The following FAT2 variants were observed in gnomAD, a reference collection of about 807,000 sequenced individuals.
FAT2 encodes protocadherin Fat 2.
Under a neutral mutation model 295.3 loss-of-function variants are expected in FAT2, and 150 were observed. The ratio of observed to expected loss-of-function variants is 0.51; its 90% CI spans 0.44 to 0.58. The LOEUF is 0.58. FAT2 is among the 20% of genes least tolerant of loss of function. The pLI is 0.00. For synonymous variants in FAT2, 2,026 were observed against 2,150.3 expected (o/e 0.94, Z 1.60); for missense variants, 4,868 against 5,442.7 (o/e 0.89, Z 3.32).
In FAT2 at chr5:151,549,384, G is replaced by T. The variant is rs149882446; in HGVS notation, c.4700C>A (p.Thr1567Asn). The change falls in exon 9 of 24, where the codon ACC becomes AAC. Residue 1567 changes from threonine to asparagine, a missense_variant. By Grantham distance (65) the Thr-to-Asn change is moderately conservative. This residue lies in a region of FAT2 where 3,297 missense variants were observed against 3,669.4 expected (regional missense o/e 0.90). Coordinates refer to ENST00000261800, the MANE Select transcript of FAT2 (RefSeq NM_001447.3). ...QLHYEASVPD[T>N]IAPGTELLQV... ...CAGCAGCTCTGTGCCGGGGGCTATG[G>T]TGTCAGGAACACTTGCCTCATAATG... The T allele has an allele frequency of 6.2e-7, 1 of 1,614,126 alleles. No individual in the cohort carries two copies. The highest frequency in any genetic ancestry group is 1.3e-5 in the African/African-American group (1 of 75,032).
intron 1 of FAT2, among the ~76,000 whole-genome samples, chr5:151,573,716 T>C (rs894787946): frequency 1.4e-4 from 21 of 152,178 alleles, no homozygotes; most frequent in African/African-American, 4.8e-4. Context: ...TCTATGCTTG[T>C]GCAGGCTAAT....
At position 151,510,412 on chromosome 5, in the gene FAT2, A is replaced by G. The variant is rs114163514; in HGVS notation, c.11906-238T>C. The G allele has an allele frequency of 5.2e-3, 2,379 of 461,140 alleles. 53 individuals carry two copies. The highest frequency in any genetic ancestry group is 0.043 in the African/African-American group (2,189 of 51,290). 28.6% of individuals were successfully genotyped at this position (461,140 alleles called of 1,614,324 possible). On this transcript the variant is annotated intron_variant, in intron 21 of 23. Coordinates refer to ENST00000261800, the MANE Select transcript of FAT2 (RefSeq NM_001447.3). ...GACAACAGTCACCTAAAGAACAGTA[A>G]TAAACAGGATAACAACCATAGACAC...
chr5:151,507,286 C>T lies in FAT2; in HGVS notation c.12385G>A (p.Val4129Ile), dbSNP rs1162708250. 1.4e-5 allele frequency: 23 copies of T among 1,614,038 alleles called. No homozygotes were observed. The East Asian group carries it at 2.2e-4, about 16-fold the overall frequency. ...TGCTTAGAATTGGGTCCAAATGTGACGAGTTCATTTGGAACAGAGGCCTTG... is the reference window on the plus strand; with the variant it reads ...TGCTTAGAATTGGGTCCAAATGTGATGAGTTCATTTGGAACAGAGGCCTTG... ...PSKASVPNEL[V>I]TFGPNSKQRP... is the part of the protein sequence containing the mutation. The change falls in exon 23 of 24, where the codon GTC (valine) becomes ATC (isoleucine). Residue 4129 changes from valine to isoleucine, a missense_variant. This residue lies in a region of FAT2 where 492 missense variants were observed against 482.6 expected (regional missense o/e 1.02). Coordinates refer to ENST00000261800, the MANE Select transcript of FAT2 (RefSeq NM_001447.3).
intron 19 of FAT2, 119 bp from the exon 20 acceptor site, chr5:151,517,884 A>G (rs370782049): frequency 8.0e-7 from 1 of 1,247,794 alleles, no homozygotes; most frequent in Non-Finnish European, 1.1e-6. Context: ...TATTTTATAC[A>G]TGAAGAAACT....
At chr5:151,510,289 T>C (rs1761220807) in intron 21 of FAT2, 115 bp from the exon 22 acceptor site, 1 of 1,270,836 alleles carries the variant, frequency 7.9e-7, no homozygotes, top group Non-Finnish European at 1.1e-6. Context: ...ATTTATTTGG[T>C]TGCTCCCCTC....
At chr5:151,508,746 C>T (rs1293491307) in intron 22 of FAT2, among the ~76,000 whole-genome samples, 4 of 151,894 alleles carry the variant, frequency 2.6e-5, no homozygotes, top group Non-Finnish European at 4.4e-5. Flanking sequence ...ATCAGCATAC[C>T]CAGAGTAATC....
chr5:151,549,653 A>C, intron 8 of FAT2, 148 bp from the exon 9 acceptor site: 1 of 643,378 alleles, frequency 1.6e-6, no homozygotes, highest in Non-Finnish European at 2.7e-6. Flanking sequence ...GTTCTAATCT[A>C]TATGCTCTTT....
chr5:151,560,299 C>G (rs1236423406), intron 3 of FAT2, among the ~76,000 whole-genome samples: 2 of 152,212 alleles, frequency 1.3e-5, no homozygotes, highest in African/African-American at 4.8e-5. Flanking sequence ...CCCAGGTGGT[C>G]TCTATTATAA....
In FAT2 at chr5:151,521,864, G is replaced by C. The variant is rs776966231; in HGVS notation, c.10729C>G (p.His3577Asp). The C allele has an allele frequency of 6.2e-7, 1 of 1,614,198 alleles. No homozygotes were observed. Reference sequence around the variant, plus strand: ...CCATCAGGCGCACCCACTGAGAAGTGCCTGCCCAGGGTCTCCTCTTCTGCC... The same window carrying C: ...CCATCAGGCGCACCCACTGAGAAGTCCCTGCCCAGGGTCTCCTCTTCTGCC... Reference protein sequence around the residue: ...SLAEEETLGRHFSVGAPDGKI... With the variant: ...SLAEEETLGRDFSVGAPDGKI... The change falls in exon 19 of 24, where the codon CAC becomes GAC. Residue 3577 changes from histidine to aspartate, a missense_variant. By Grantham distance (81) the His-to-Asp change is moderately conservative. Around this residue, in one of 5 missense-constraint regions of FAT2, gnomAD observed 1,046 missense variants for 1,210.1 expected, o/e 0.86. Transcript: ENST00000261800.
intron 3 of FAT2, among the ~76,000 whole-genome samples, chr5:151,556,839 G>C (rs945735657): frequency 6.6e-5 from 10 of 152,138 alleles, no homozygotes; most frequent in African/African-American, 2.4e-4. Context: ...ACACAGTTTA[G>C]ACTTACAGCA....
At chr5:151,590,537 G>A (rs1007062008) in intron 1 of FAT2, among the ~76,000 whole-genome samples, 1 of 152,140 alleles carries the variant, frequency 6.6e-6, no homozygotes, top group Non-Finnish European at 1.5e-5. Context: ...TGCTGTCTTG[G>A]TGCCACTCAG....
Position 151,568,429 on chromosome 5 carries a change from C to A in FAT2, c.503G>T (p.Cys168Phe), listed in dbSNP as rs373306836. ...ATCAGCATCTGTGGCAGTCACCTTG[C>A]AGATGGGGCTCTTCAGGGGCATGTC... ...SEDMPLKSPI[C>F]KVTATDADLG... The change falls in exon 2 of 24, where the codon TGC (cysteine) becomes TTC (phenylalanine). Residue 168 changes from cysteine (C) to phenylalanine (F), a missense_variant. Cys to Phe is a radical substitution (Grantham distance 205, BLOSUM62 -2). This residue lies in a region of FAT2 where 3,297 missense variants were observed against 3,669.4 expected (regional missense o/e 0.90). Coordinates refer to ENST00000261800, the MANE Select transcript of FAT2 (RefSeq NM_001447.3). The A allele has an allele frequency of 4.3e-6, 7 of 1,614,198 alleles. No individual in the cohort carries two copies. The highest frequency in any genetic ancestry group is 5.9e-6 in the Non-Finnish European group (7 of 1,180,030).
chr5:151,560,416 A>G (rs1414680122), intron 3 of FAT2, among the ~76,000 whole-genome samples: 1 of 152,220 alleles, frequency 6.6e-6, no homozygotes, highest in South Asian at 2.1e-4. Flanking sequence ...GAGAAAGTCC[A>G]TCTACTTGCA....
At chr5:151,542,157 G>A (rs1756214656) in intron 10 of FAT2, 128 bp downstream of exon 10, 8 of 820,238 alleles carry the variant, frequency 9.8e-6, no homozygotes, top group Middle Eastern at 3.8e-4. Flanking sequence ...GTCCTAGGGG[G>A]TTAAGTGTGC....
intron 21 of FAT2, chr5:151,511,884 C>T (rs908795776): frequency 2.3e-5 from 11 of 471,838 alleles, no homozygotes; most frequent in African/African-American, 5.8e-5. Flanking sequence ...AGTGATGACA[C>T]TAAGGTATGT....
chr5:151,566,919 A>G lies in FAT2; in HGVS notation c.2013T>C (p.Asp671=). The change falls in exon 2 of 24, where the codon GAT becomes GAC. Residue 671 remains aspartate (D), a synonymous_variant. Transcript: ENST00000261800. ...TGAATTGTGTCAATACCCCTGTTTTATCACATGTTACAGGAACTTCAAAAT... is the reference window on the plus strand; with the variant it reads ...TGAATTGTGTCAATACCCCTGTTTTGTCACATGTTACAGGAACTTCAAAAT... ...DPHFEVPVTC[D]KTGVLTQFTK... The G allele has an allele frequency of 6.2e-7, 1 of 1,614,184 alleles. No homozygotes were observed. The highest frequency in any genetic ancestry group is 8.5e-7 in the Non-Finnish European group (1 of 1,180,032).
At chr5:151,558,946 G>A (rs3097778) in intron 3 of FAT2, among the ~76,000 whole-genome samples, 11,201 of 152,296 alleles carry the variant, frequency 0.074, 754 homozygotes, top group Admixed American at 0.2. Context: ...ACGGTCTCTT[G>A]TAAATGAAAG....
At chr5:151,507,104 C>T in intron 23 of FAT2, 50 bp downstream of exon 23, 1 of 1,485,428 alleles carries the variant, frequency 6.7e-7, no homozygotes, top group Non-Finnish European at 9.1e-7. Flanking sequence ...TTTAGAACCA[C>T]CACCCACTTC....
chr5:151,512,477 G>A lies in FAT2; in HGVS notation c.11593C>T (p.Arg3865Cys), dbSNP rs758645602. The change falls in exon 21 of 24, where the codon CGC becomes TGC. Residue 3865 changes from arginine (R) to cysteine (C), a missense_variant. By Grantham distance (180) the Arg-to-Cys change is radical (BLOSUM62 -3). Around this residue, in one of 5 missense-constraint regions of FAT2, gnomAD observed 1,046 missense variants for 1,210.1 expected, o/e 0.86. Transcript: ENST00000261800. The surrounding 1 kb of genome is among the most constrained non-coding windows in gnomAD (Gnocchi z 4.1). ...TTGCCCATGCTGTCAACCATCAGGC[G>A]AATGGAAGCGTCCATCTCCTCCACC... Reference protein sequence around the residue: ...ILVEEMDASIRLMVDSMGNTS... With the variant: ...ILVEEMDASICLMVDSMGNTS... 5.6e-6 allele frequency: 9 copies of A among 1,614,088 alleles called. No homozygotes were observed. Among genetic ancestry groups the A allele is most frequent in the South Asian group, 1.1e-5 (1 of 91,090 alleles).
Sources: gnomAD v4.1 joint callset for allele counts (sites outside exome capture counted in the v4.1 genomes callset) on GRCh38, gnomAD v4.1.1 for gene constraint, gnomAD v4.1.1 regional missense constraint, Gnocchi (gnomAD v3.1) non-coding constraint, MANE v1.5 for transcripts, NCBI Gene and HGNC (gene_info 2026-07-23, HGNC 2026-07-21) for gene names.